GRIK3: variants seen among roughly 807,000 people sequenced by gnomAD.
GRIK3 encodes the protein glutamate receptor ionotropic, kainate 3.
Under a neutral mutation model 102.5 loss-of-function variants are expected in GRIK3, and 29 were observed. That is an observed-to-expected ratio of 0.28 (90% confidence interval 0.21 to 0.39). The LOEUF is 0.39. GRIK3 is among the 10% of genes least tolerant of loss of function. The probability of loss-of-function intolerance (pLI) is 1.00; values close to 1 mark genes in which losing one functional copy is unlikely to be tolerated. For synonymous variants in GRIK3, 511 were observed against 504.9 expected (o/e 1.01, Z -0.16); for missense variants, 908 against 1,252.4 (o/e 0.73, Z 4.15).
At chr1:37,023,490 C>T (rs772645687) in intron 1 of GRIK3, among the ~76,000 whole-genome samples, 2 of 152,180 alleles carry the variant, frequency 1.3e-5, no homozygotes, top group Middle Eastern at 3.4e-3. Flanking sequence ...TCCAGAGATG[C>T]CAACCATGGC....
At chr1:36,958,185 CCT>C (rs1491563494) in intron 1 of GRIK3, among the ~76,000 whole-genome samples, 2 of 123,816 alleles carry the variant, frequency 1.6e-5, no homozygotes, top group South Asian at 2.9e-4. Context: ...AGTCTGTGCC[CCT>C]GAGTCTGTGT....
intron 1 of GRIK3, among the ~76,000 whole-genome samples, chr1:36,917,316 G>T (rs1031383154): frequency 2.0e-5 from 3 of 152,164 alleles, no homozygotes; most frequent in Admixed American, 6.5e-5. Flanking sequence ...GACTTGCCTT[G>T]TCTCAGATGA....
intron 1 of GRIK3, among the ~76,000 whole-genome samples, chr1:36,982,507 C>T (rs925160609): frequency 1.3e-5 from 2 of 152,222 alleles, no homozygotes; most frequent in African/African-American, 4.8e-5. Flanking sequence ...TAGGAACACA[C>T]AGTCCAGGGC....
At chr1:36,816,036 ACCGTG>A in intron 13 of GRIK3, among the ~76,000 whole-genome samples, 1 of 150,948 alleles carries the variant, frequency 6.6e-6, no homozygotes, top group South Asian at 2.1e-4. Context: ...GGCATGAGCC[ACCGTG>A]CCTGGCCTGC....
chr1:36,835,404 C>G (rs1640365174), intron 10 of GRIK3, among the ~76,000 whole-genome samples: 1 of 152,218 alleles, frequency 6.6e-6, no homozygotes, highest in Non-Finnish European at 1.5e-5. Context: ...CTGTTTACCC[C>G]AAGAGATGGT....
At chr1:36,948,632 C>T (rs1641809462) in intron 1 of GRIK3, among the ~76,000 whole-genome samples, 1 of 152,178 alleles carries the variant, frequency 6.6e-6, no homozygotes, top group Admixed American at 6.5e-5. Context: ...ACTACTTATT[C>T]TGGCAAATTA....
chr1:36,832,162 C>A (rs1317921419), intron 10 of GRIK3, among the ~76,000 whole-genome samples: 2 of 152,238 alleles, frequency 1.3e-5, no homozygotes, highest in Non-Finnish European at 2.9e-5. Context: ...TTGGCCGATT[C>A]TCTGGGTGTT....
At chr1:36,825,256 T>A (rs1466571770) in intron 11 of GRIK3, among the ~76,000 whole-genome samples, 1 of 152,166 alleles carries the variant, frequency 6.6e-6, no homozygotes, top group Non-Finnish European at 1.5e-5. Context: ...CCCAATGTCC[T>A]GAGTCTGCTG....
intron 1 of GRIK3, among the ~76,000 whole-genome samples, chr1:36,937,015 G>T (rs187186496): frequency 6.6e-6 from 1 of 152,222 alleles, no homozygotes; most frequent in African/African-American, 2.4e-5. Flanking sequence ...CAATGGACAC[G>T]CAGTGGAGGA....
intron 1 of GRIK3, among the ~76,000 whole-genome samples, chr1:37,019,940 G>A (rs980896559): frequency 2.0e-5 from 3 of 152,230 alleles, no homozygotes; most frequent in East Asian, 1.9e-4. Context: ...GCTGTGTGAC[G>A]TCCAAGATGC....
intron 1 of GRIK3, among the ~76,000 whole-genome samples, chr1:36,891,411 T>C (rs1641114137): frequency 6.6e-6 from 1 of 152,190 alleles, no homozygotes; most frequent in Non-Finnish European, 1.5e-5. Flanking sequence ...TAACATACCA[T>C]GACCACGCAG....
At chr1:36,854,172 C>T (rs1032608625) in intron 7 of GRIK3, among the ~76,000 whole-genome samples, 3 of 152,206 alleles carry the variant, frequency 2.0e-5, no homozygotes, top group Admixed American at 6.5e-5. Context: ...GAAATCACCC[C>T]CCAACCTCCC....
intron 1 of GRIK3, among the ~76,000 whole-genome samples, chr1:36,903,934 A>G (rs1433717665): frequency 6.6e-6 from 1 of 152,192 alleles, no homozygotes. Flanking sequence ...AATGTACACC[A>G]CCAAGAATGA....
At chr1:37,012,378 T>G (rs80087597) in intron 1 of GRIK3, among the ~76,000 whole-genome samples, 1,592 of 152,336 alleles carry the variant, frequency 0.01, 13 homozygotes, top group Admixed American at 0.018. Flanking sequence ...TTTATCTTCA[T>G]GACACCAAAA....
chr1:36,921,638 A>G (rs1472097891), intron 1 of GRIK3, among the ~76,000 whole-genome samples: 1 of 151,822 alleles, frequency 6.6e-6, no homozygotes, highest in African/African-American at 2.4e-5. Flanking sequence ...ACATTTTAAC[A>G]TCCCTGAAAT....
intron 8 of GRIK3, among the ~76,000 whole-genome samples, chr1:36,852,546 C>T (rs779898060): frequency 3.9e-5 from 6 of 152,194 alleles, no homozygotes; most frequent in Non-Finnish European, 8.8e-5. Flanking sequence ...AGTTTCAGAG[C>T]AGGGCAGAGC....
chr1:36,806,005 C>CCATG lies in GRIK3; in HGVS notation c.2314+95_2314+98dup. 1.5e-6 allele frequency: 1 copy of CCATG among 683,540 alleles called. No homozygotes were observed. The highest frequency in any genetic ancestry group is 2.5e-6 in the Non-Finnish European group (1 of 393,680). The allele number at this position is 683,540 out of a possible 1,614,324, so 42.3% of individuals were successfully genotyped here. A position where few individuals can be genotyped will look rare whatever the true frequency, so the allele number is the denominator to read the frequency against. ...AGAGAAAACGTCACCTTTATCAGCCCCATGGAATGAGCTGTGAGACGGAGT... is the reference window on the plus strand; with the variant it reads ...AGAGAAAACGTCACCTTTATCAGCCCCATGCATGGAATGAGCTGTGAGACGGAGT... On this transcript the variant is annotated intron_variant, in intron 14 of 15. Coordinates refer to ENST00000373091, the MANE Select transcript of GRIK3 (RefSeq NM_000831.4). The surrounding 1 kb of genome is among the most constrained non-coding windows in gnomAD (Gnocchi z 4.0).
intron 1 of GRIK3, among the ~76,000 whole-genome samples, chr1:36,928,542 T>G (rs1260604411): frequency 6.6e-6 from 1 of 152,182 alleles, no homozygotes; most frequent in Admixed American, 6.5e-5. Context: ...AACGCAGTGT[T>G]TAGAACAGCA....
At chr1:36,860,778 C>T (rs370248156) in intron 5 of GRIK3, among the ~76,000 whole-genome samples, 30 of 152,254 alleles carry the variant, frequency 2.0e-4, no homozygotes, top group African/African-American at 6.3e-4. Flanking sequence ...CGGCAGAGGA[C>T]GTGGCAGGTG....
Sources: allele counts gnomAD v4.1 joint callset (sites outside exome capture counted in the v4.1 genomes callset), GRCh38; gene constraint gnomAD v4.1.1; non-coding constraint Gnocchi (gnomAD v3.1); transcripts MANE v1.5; gene names NCBI Gene and HGNC (gene_info 2026-07-23, HGNC 2026-07-21).